Variants in SKA2 observed in about 807,000 individuals in gnomAD.
SKA2 encodes the protein spindle and kinetochore associated complex subunit 2, also known as spindle and kinetochore-associated protein 2.
In SKA2, 13 loss-of-function variants were observed where a neutral mutation model predicts 16.9. That is an observed-to-expected ratio of 0.77 (90% CI 0.50 to 1.22). The LOEUF (loss-of-function observed/expected upper bound fraction) is 1.22. Ranked by LOEUF, SKA2 falls within the 50% of genes most tolerant of loss-of-function variation. The pLI, the probability that SKA2 is intolerant of heterozygous loss-of-function variation, is 0.00. For synonymous variants in SKA2, 47 were observed against 48.5 expected (o/e 0.97, Z 0.13); for missense variants, 107 against 139.7 (o/e 0.77, Z 1.18).
intron 1 of SKA2, among the ~76,000 whole-genome samples, chr17:59,152,621 T>C (rs1021644580): frequency 8.6e-6 from 1 of 116,550 alleles, no homozygotes; most frequent in African/African-American, 4.0e-5. Context: ...AAATCCTTTA[T>C]TTAACTGATG....
At chr17:59,129,814 C>T (rs1599667077) in intron 2 of SKA2, among the ~76,000 whole-genome samples, 1 of 149,834 alleles carries the variant, frequency 6.7e-6, no homozygotes, top group Middle Eastern at 3.4e-3. Flanking sequence ...AAGATCACAC[C>T]CCTGAACTCC....
Position 59,112,315 on chromosome 17 carries a change from C to T in SKA2, c.328G>A (p.Ala110Thr). Residue 110 changes from alanine (A) to threonine (T), a missense_variant, in exon 4 of 4, where the codon GCG becomes ACG. Transcript: ENST00000330137. ...ATGTGAAATTTGAATTGCTCTGCCG[C>T]AGTTTTCTCTTCTTTAGTCAGTGGT... ...LSPLTKEEKT[A>T]AEQFKFHMPD... 1 of 1,611,194 alleles carries T rather than the reference C, an allele frequency of 6.2e-7. No individual in the cohort carries two copies. The highest frequency in any genetic ancestry group is 1.1e-5 in the South Asian group (1 of 90,766).
chr17:59,129,518 A>C (rs1392972861), intron 2 of SKA2: 1 of 151,630 alleles, frequency 6.6e-6, no homozygotes, highest in Non-Finnish European at 1.5e-5. Flanking sequence ...GGGGAAGGAA[A>C]GAGAAGGAAT....
Position 59,155,165 on chromosome 17 carries a change from T to A in SKA2, c.-2A>T, listed in dbSNP as rs374246041. 1.9e-6 allele frequency: 3 copies of A among 1,613,916 alleles called. No individual in the cohort carries two copies. Among genetic ancestry groups the A allele is most frequent in the Non-Finnish European group, 2.5e-6 (3 of 1,179,900 alleles). On this transcript the variant is annotated 5_prime_UTR_variant, in exon 1 of 4. Transcript: ENST00000330137. Reference sequence around the variant, plus strand: ...CAGCTTATCGACCTCCGCCTCCATGTTGAATAGTTGACATTCCGCAGACCG... The same window carrying A: ...CAGCTTATCGACCTCCGCCTCCATGATGAATAGTTGACATTCCGCAGACCG...
chr17:59,113,920 A>G (rs777057370), intron 3 of SKA2, among the ~76,000 whole-genome samples: 6 of 152,178 alleles, frequency 3.9e-5, no homozygotes, highest in Non-Finnish European at 7.3e-5. Context: ...TAGCAACTGA[A>G]CAATGTAAGG....
intron 2 of SKA2, among the ~76,000 whole-genome samples, chr17:59,128,625 C>CA (rs761411258): frequency 7.3e-3 from 407 of 55,896 alleles, no homozygotes; most frequent in East Asian, 0.012. Context: ...GACTCGGTCT[C>CA]AAAAAAAAAA....
chr17:59,142,516 T>C (rs2147815828), intron 1 of SKA2, among the ~76,000 whole-genome samples: 1 of 151,952 alleles, frequency 6.6e-6, no homozygotes, highest in African/African-American at 2.4e-5. Flanking sequence ...TCTCGAACTC[T>C]CGACCTCAGG....
intron 1 of SKA2, among the ~76,000 whole-genome samples, chr17:59,147,684 G>A (rs1347092429): frequency 2.7e-5 from 4 of 150,140 alleles, no homozygotes; most frequent in Admixed American, 2.0e-4. Flanking sequence ...GGCTGGTCTC[G>A]AACTACTGGG....
At chr17:59,142,237 G>C (rs1278210436) in intron 1 of SKA2, among the ~76,000 whole-genome samples, 1 of 151,594 alleles carries the variant, frequency 6.6e-6, no homozygotes, top group Admixed American at 6.6e-5. Context: ...TAAGTGACAG[G>C]GATGGTGTTA....
chr17:59,138,526 G>A (rs1420315052), intron 1 of SKA2, among the ~76,000 whole-genome samples: 1 of 152,014 alleles, frequency 6.6e-6, no homozygotes, highest in Non-Finnish European at 1.5e-5. Flanking sequence ...CTGCCTCCAG[G>A]CTCAAGCAAT....
intron 1 of SKA2, among the ~76,000 whole-genome samples, chr17:59,149,119 T>C (rs1373184336): frequency 6.6e-6 from 1 of 152,208 alleles, no homozygotes; most frequent in African/African-American, 2.4e-5. Flanking sequence ...CAGTTGCTTA[T>C]AAGATCAAGC....
intron 1 of SKA2, among the ~76,000 whole-genome samples, chr17:59,135,611 C>A (rs572236123): frequency 1.3e-5 from 2 of 152,012 alleles, no homozygotes; most frequent in African/African-American, 4.8e-5. Flanking sequence ...CCACTGCCCC[C>A]AGCCTAAACT....
At chr17:59,152,603 A>AAATAGTCAATGCTGGTT (rs58604484) in intron 1 of SKA2, among the ~76,000 whole-genome samples, 1 of 152,044 alleles carries the variant, frequency 6.6e-6, no homozygotes, top group Non-Finnish European at 1.5e-5. Flanking sequence ...ATTTCCTTTT[A>AAATAGTCAATGCTGGTT]CCTTGACAAA....
rs572590789 is a variant in SKA2, at chr17:59,112,391, C to T, written c.298-46G>A. On this transcript the variant is annotated intron_variant, in intron 3 of 3. Transcript: ENST00000330137. The stretch of plus-strand genomic sequence containing the variant: ...TCTTTATTTCAAAAACTTTCAAAGA[C>T]TTAAATCAGTTTAGTTAACTTCTGC... 9.6e-6 allele frequency: 14 copies of T among 1,455,568 alleles called. No individual in the cohort carries two copies. In the African/African-American group the frequency reaches 1.1e-4, roughly 12 times the overall value. The allele number at this position is 1,455,568 out of a possible 1,614,324, so 90.2% of individuals were successfully genotyped here.
At chr17:59,146,408 C>G (rs967213342) in intron 1 of SKA2, among the ~76,000 whole-genome samples, 1 of 151,884 alleles carries the variant, frequency 6.6e-6, no homozygotes, top group Non-Finnish European at 1.5e-5. Flanking sequence ...GTGACGCAGG[C>G]AAATAGCTTG....
intron 2 of SKA2, among the ~76,000 whole-genome samples, chr17:59,128,278 A>C (rs1408974776): frequency 6.6e-6 from 1 of 152,100 alleles, no homozygotes; most frequent in Non-Finnish European, 1.5e-5. Context: ...ATTACTCAGC[A>C]GTAAAAGCAA....
At chr17:59,131,522 T>C (rs1380564026) in intron 1 of SKA2, among the ~76,000 whole-genome samples, 155 bp from the exon 2 acceptor site, 1 of 152,240 alleles carries the variant, frequency 6.6e-6, no homozygotes, top group Non-Finnish European at 1.5e-5. Context: ...AAATATCCAT[T>C]ATCCATAATA....
chr17:59,145,982 C>G (rs1555713289), intron 1 of SKA2, among the ~76,000 whole-genome samples: 1 of 148,272 alleles, frequency 6.7e-6, no homozygotes, highest in Non-Finnish European at 1.5e-5. Flanking sequence ...AGAGTGAGAC[C>G]CTATCTCAAA....
At chr17:59,125,904 G>A (rs1599664411) in intron 2 of SKA2, among the ~76,000 whole-genome samples, 1 of 152,140 alleles carries the variant, frequency 6.6e-6, no homozygotes, top group East Asian at 1.9e-4. Context: ...GGGCGTGGTG[G>A]CTCACGCCTG....
Sources: gnomAD v4.1 joint callset for allele counts (sites outside exome capture counted in the v4.1 genomes callset) on GRCh38, gnomAD v4.1.1 for gene constraint, MANE v1.5 for transcripts, NCBI Gene and HGNC (gene_info 2026-07-23, HGNC 2026-07-21) for gene names.